RPH3AL: variants seen among roughly 807,000 people sequenced by gnomAD.
RPH3AL encodes the protein rab effector Noc2.
A neutral mutation model predicts 43.1 loss-of-function variants in RPH3AL; 38 were observed. That is an observed-to-expected ratio of 0.88 (90% CI 0.68 to 1.15). The LOEUF (loss-of-function observed/expected upper bound fraction) is 1.15. Among genes scored for constraint, RPH3AL ranks in the 50% most tolerant of loss-of-function variants. RPH3AL has a pLI of 0.00. For synonymous variants in RPH3AL, 189 were observed against 176.3 expected (o/e 1.07, Z -0.57); for missense variants, 462 against 423.2 (o/e 1.09, Z -0.81).
At chr17:350,800 C>A (rs1395467436) in intron 1 of RPH3AL, among the ~76,000 whole-genome samples, 1 of 152,196 alleles carries the variant, frequency 6.6e-6, no homozygotes, top group Non-Finnish European at 1.5e-5. Flanking sequence ...TGGATGAAAT[C>A]TTGGCCTGGG....
rs572068579 is a variant in RPH3AL, at chr17:258,931, A to G, written c.439-11646T>C. On this transcript the variant is annotated intron_variant, in intron 6 of 9. Transcript: ENST00000331302. ...ACACGCCACCATGCCCGGCGAAGTCAACCACTTTTGAACTATCAAAAAAGC... is the reference window on the plus strand; with the variant it reads ...ACACGCCACCATGCCCGGCGAAGTCGACCACTTTTGAACTATCAAAAAAGC... Among the ~76,000 whole-genome samples, 107 of 152,064 alleles carry G rather than the reference A, an allele frequency of 7.0e-4. 1 individual carries two copies. Among genetic ancestry groups the G allele is most frequent in the African/African-American group, 2.5e-3 (104 of 41,474 alleles).
intron 7 of RPH3AL, among the ~76,000 whole-genome samples, chr17:238,381 C>T (rs1249344142): frequency 6.6e-6 from 1 of 152,114 alleles, no homozygotes; most frequent in Non-Finnish European, 1.5e-5. Flanking sequence ...CAGGGCAGAC[C>T]TAGGCAGCGG....
intron 2 of RPH3AL, chr17:331,617 A>C: frequency 7.8e-7 from 1 of 1,287,702 alleles, no homozygotes; most frequent in South Asian, 1.2e-5. Context: ...CCACGGAGCC[A>C]GTTTCGATTC....
rs560495053 is a variant in RPH3AL, at chr17:289,980, C to G, written c.352-8126G>C. ...CCTGTGACTTCCCCTGCTGGGCCGT[C>G]ATCTTCCCAAGGGCAGAGGCCACGT... On this transcript the variant is annotated intron_variant, in intron 5 of 9. Coordinates refer to ENST00000331302, the MANE Select transcript of RPH3AL (RefSeq NM_006987.4). The surrounding 1 kb of genome is among the most constrained non-coding windows in gnomAD (Gnocchi z 5.2). Among the ~76,000 whole-genome samples, 2 of 152,330 alleles carry G rather than the reference C, an allele frequency of 1.3e-5. No homozygotes were observed. The highest frequency in any genetic ancestry group is 1.5e-5 in the Non-Finnish European group (1 of 68,040).
intron 1 of RPH3AL, among the ~76,000 whole-genome samples, chr17:347,621 G>A (rs2045265047): frequency 6.6e-6 from 1 of 151,964 alleles, no homozygotes; most frequent in Non-Finnish European, 1.5e-5. Context: ...AAGGTAGTTT[G>A]TTACAAAGTT....
rs1191927490 is a variant in RPH3AL at position 215,857 on chromosome 17, C to T, written c.728-55G>A. The T allele has an allele frequency of 2.3e-6, 3 of 1,300,450 alleles. No individual in the cohort carries two copies. In the African/African-American group the frequency reaches 4.6e-5, roughly 20 times the overall value. 80.6% of individuals were successfully genotyped at this position (1,300,450 alleles called of 1,614,324 possible). A position where few individuals can be genotyped will look rare whatever the true frequency, so the allele number is the denominator to read the frequency against. On this transcript the variant is annotated intron_variant, in intron 8 of 9. Transcript: ENST00000331302. This position sits in a 1 kb window ranked among gnomAD's most constrained non-coding sequence, Gnocchi z 4.1. ...ATCTCAAACCGAGACGGGGTGATCT[C>T]AGTCCAGTTCCTCGTTTGGAACTCT...
At chr17:318,840 C>G (rs994793376) in intron 5 of RPH3AL, among the ~76,000 whole-genome samples, 1 of 152,188 alleles carries the variant, frequency 6.6e-6, no homozygotes, top group African/African-American at 2.4e-5. Flanking sequence ...AACCAGGGAT[C>G]AAGAGAAGCA....
chr17:297,910 G>A (rs542310660), intron 5 of RPH3AL, among the ~76,000 whole-genome samples: 4 of 152,254 alleles, frequency 2.6e-5, no homozygotes, highest in East Asian at 1.9e-4. Context: ...CGAGCTGATG[G>A]GGAGAGAGGC....
chr17:337,551 T>C (rs1284801155), intron 1 of RPH3AL, among the ~76,000 whole-genome samples: 1 of 152,246 alleles, frequency 6.6e-6, no homozygotes, highest in African/African-American at 2.4e-5. Flanking sequence ...CTTGCCTGTG[T>C]GCTTTGAGGA....
intron 3 of RPH3AL, among the ~76,000 whole-genome samples, chr17:324,525 C>T (rs554231278): frequency 1.3e-5 from 2 of 152,192 alleles, no homozygotes; most frequent in African/African-American, 4.8e-5. Context: ...GTTCCCCGCA[C>T]GGCGCCCTCG....
chr17:314,249 G>A (rs59654081), intron 5 of RPH3AL, among the ~76,000 whole-genome samples: 1 of 152,064 alleles, frequency 6.6e-6, no homozygotes, highest in Admixed American at 6.5e-5. Context: ...TTTACCACAG[G>A]CCAGGCTCTG....
In RPH3AL at chr17:219,659, T is replaced by G; in HGVS notation, c.691A>C (p.Arg231=). 6.2e-7 allele frequency: 1 copy of G among 1,611,922 alleles called. No individual in the cohort carries two copies. Among genetic ancestry groups the G allele is most frequent in the Non-Finnish European group, 8.5e-7 (1 of 1,179,146 alleles). ...LEDRLPSTGV[R]DRKGDKPWKE... is the part of the protein sequence containing the mutation. ...CAGGGTTTGTCGCCTTTCCGGTCCC[T>G]GACCCCAGTGGATGGGAGTCTGTCC... The change falls in exon 8 of 10, where the codon AGG becomes CGG. Residue 231 remains arginine, a synonymous_variant. Coordinates refer to ENST00000331302, the MANE Select transcript of RPH3AL (RefSeq NM_006987.4).
At chr17:233,592 G>A (rs1269816935) in intron 7 of RPH3AL, among the ~76,000 whole-genome samples, 1 of 152,190 alleles carries the variant, frequency 6.6e-6, no homozygotes, top group Non-Finnish European at 1.5e-5. Context: ...CTGGCCAGGT[G>A]CAAAGGTCAG....
At chr17:269,242 C>T (rs531244740) in intron 6 of RPH3AL, among the ~76,000 whole-genome samples, 1 of 151,642 alleles carries the variant, frequency 6.6e-6, no homozygotes, top group African/African-American at 2.4e-5. Context: ...ACTTCTGTGG[C>T]CTCAAGCAGT....
intron 6 of RPH3AL, 92 bp downstream of exon 6, chr17:281,676 C>T (rs2042782507): frequency 3.1e-6 from 2 of 637,304 alleles, no homozygotes; most frequent in Admixed American, 2.2e-5. Flanking sequence ...CCGCCCAGCC[C>T]TCCCCACCGT....
At position 245,305 on chromosome 17, in the gene RPH3AL, G is replaced by A. The variant is rs377439770; in HGVS notation, c.613+1806C>T. On this transcript the variant is annotated intron_variant, in intron 7 of 9. Coordinates refer to ENST00000331302, the MANE Select transcript of RPH3AL (RefSeq NM_006987.4). The surrounding 1 kb of genome is among the most constrained non-coding windows in gnomAD (Gnocchi z 5.9). ...TGTACGTGGGTGTGTGTGTGGATGTGTGTGTGGATGTGGATGTCAGTGTGT... is the reference window on the plus strand; with the variant it reads ...TGTACGTGGGTGTGTGTGTGGATGTATGTGTGGATGTGGATGTCAGTGTGT... 0.044 allele frequency among the ~76,000 whole-genome samples: 6,670 copies of A among 151,436 alleles called. 487 individuals carry two copies. The highest frequency in any genetic ancestry group is 0.15 in the African/African-American group (6,340 of 41,142).
At chr17:327,699 C>T (rs147495103) in intron 2 of RPH3AL, 120 bp from the exon 3 acceptor site, 6 of 620,454 alleles carry the variant, frequency 9.7e-6, no homozygotes, top group African/African-American at 1.8e-5. Context: ...CCCACTGATG[C>T]CTGGAATCTC....
chr17:262,703 C>G (rs1250406650), intron 6 of RPH3AL, among the ~76,000 whole-genome samples: 8 of 152,156 alleles, frequency 5.3e-5, no homozygotes, highest in Non-Finnish European at 1.2e-4. Flanking sequence ...GACAAACCAT[C>G]AAACGAATCC....
chr17:242,385 C>T (rs71372187), intron 7 of RPH3AL, among the ~76,000 whole-genome samples: 1,276 of 6,438 alleles, frequency 0.2, 8 homozygotes, highest in Non-Finnish European at 0.23. Context: ...CCTCTATTGA[C>T]TACCTTCCTC....
Sources: gnomAD v4.1 joint callset for allele counts (sites outside exome capture counted in the v4.1 genomes callset) on GRCh38, gnomAD v4.1.1 for gene constraint, Gnocchi (gnomAD v3.1) non-coding constraint, MANE v1.5 for transcripts, NCBI Gene and HGNC (gene_info 2026-07-23, HGNC 2026-07-21) for gene names.